The following PRKG1 variants were observed in gnomAD, a reference collection of about 807,000 sequenced individuals.
PRKG1 encodes the protein protein kinase cGMP-dependent 1, also known as cGMP-dependent protein kinase 1.
A neutral mutation model predicts 88.1 loss-of-function variants in PRKG1; 35 were observed. That is an observed-to-expected ratio of 0.40 (90% CI 0.30 to 0.53). The LOEUF is 0.53. Among genes scored for constraint, PRKG1 ranks in the 20% least tolerant of loss-of-function variants. The probability of loss-of-function intolerance (pLI) is 0.59; values close to 1 mark genes in which losing one functional copy is unlikely to be tolerated. For synonymous variants in PRKG1, 303 were observed against 292.5 expected, an observed-to-expected ratio of 1.04 and a Z score of -0.37; for missense variants, 540 against 839.8, an observed-to-expected ratio of 0.64 and a Z score of 4.41.
At chr10:52,180,920 A>G (rs1487825016) in intron 9 of PRKG1, among the ~76,000 whole-genome samples, 7 of 152,108 alleles carry the variant, frequency 4.6e-5, no homozygotes, top group Admixed American at 4.6e-4. Flanking sequence ...GTCCTGGTAC[A>G]TGGCTGCCTG....
intron 2 of PRKG1, among the ~76,000 whole-genome samples, chr10:51,222,284 C>G (rs1838563817): frequency 6.6e-6 from 1 of 152,126 alleles, no homozygotes; most frequent in Non-Finnish European, 1.5e-5. Context: ...AAAGTTACTT[C>G]AAAATAAGGG....
At chr10:52,281,031 A>G in intron 13 of PRKG1, 101 bp downstream of exon 13, 1 of 1,364,172 alleles carries the variant, frequency 7.3e-7, no homozygotes, top group Non-Finnish European at 1.0e-6. Context: ...TTCCTTTTCA[A>G]TGTTGTAACT....
intron 5 of PRKG1, among the ~76,000 whole-genome samples, chr10:51,973,068 G>T (rs1843747988): frequency 6.6e-6 from 1 of 152,144 alleles, no homozygotes; most frequent in African/African-American, 2.4e-5. Context: ...GGAGCAACAG[G>T]ATCAGCCCAA....
intron 3 of PRKG1, among the ~76,000 whole-genome samples, chr10:51,582,912 C>T (rs953830865): frequency 1.3e-5 from 2 of 152,058 alleles, no homozygotes; most frequent in Non-Finnish European, 2.9e-5. Context: ...ATATTGTCAG[C>T]CACCAAATTA....
chr10:50,991,177 T>G lies in PRKG1; in HGVS notation c.-202T>G. 2 of 657,862 alleles carry G rather than the reference T, an allele frequency of 3.0e-6. No homozygotes were observed. Among genetic ancestry groups the G allele is most frequent in the Non-Finnish European group, 4.8e-6 (2 of 415,502 alleles). The allele number at this position is 657,862 out of a possible 1,614,324, so 40.8% of individuals were successfully genotyped here. On this transcript the variant is annotated 5_prime_UTR_variant, in exon 1 of 18. Transcript: ENST00000401604. This position sits in a 1 kb window ranked among gnomAD's most constrained non-coding sequence, Gnocchi z 4.5. ...GACTTCTCATCCTCCCCTCGGTGCT[T>G]TTAGTCCATTCAGCAGAAGCGGATC...
chr10:51,111,275 TA>T (rs1844973142), intron 1 of PRKG1, among the ~76,000 whole-genome samples: 1 of 152,178 alleles, frequency 6.6e-6, no homozygotes, highest in Admixed American at 6.6e-5. Flanking sequence ...TTTATATTTT[TA>T]AATTTTTTGT....
intron 5 of PRKG1, among the ~76,000 whole-genome samples, chr10:52,023,197 A>G (rs1845233549): frequency 6.6e-6 from 1 of 152,200 alleles, no homozygotes; most frequent in South Asian, 2.1e-4. Context: ...TAGTTTGCTG[A>G]GAATGATGGT....
intron 3 of PRKG1, among the ~76,000 whole-genome samples, chr10:51,598,780 G>A (rs1838523188): frequency 6.6e-6 from 1 of 152,176 alleles, no homozygotes; most frequent in Non-Finnish European, 1.5e-5. Flanking sequence ...TTGACTAAAA[G>A]GAGAGGTAGA....
intron 3 of PRKG1, among the ~76,000 whole-genome samples, chr10:51,530,040 T>A (rs1382083522): frequency 2.0e-5 from 3 of 152,206 alleles, no homozygotes; most frequent in Non-Finnish European, 4.4e-5. Flanking sequence ...CTATTCAGTT[T>A]GCATTATTTT....
At position 52,110,827 on chromosome 10, in the gene PRKG1, G is replaced by A. The variant is rs564191846; in HGVS notation, c.936-23013G>A. ...GTGTTGCTACTTTGTGTGACCAACT[G>A]CGTGCAGAACTGCATGTTCCAGGGC... is the stretch of plus-strand genomic sequence containing the variant. On this transcript the variant is annotated intron_variant, in intron 7 of 17. Coordinates refer to ENST00000373980, the MANE Select transcript of PRKG1 (RefSeq NM_006258.4). 2.0e-5 allele frequency among the ~76,000 whole-genome samples: 3 copies of A among 152,246 alleles called. No individual in the cohort carries two copies. The South Asian group carries it at 6.2e-4, about 32-fold the overall frequency.
chr10:52,248,598 A>G (rs2132395016), intron 9 of PRKG1, among the ~76,000 whole-genome samples: 1 of 152,352 alleles, frequency 6.6e-6, no homozygotes, highest in South Asian at 2.1e-4. Context: ...CAACATTACC[A>G]ATATCTTTGC....
intron 4 of PRKG1, among the ~76,000 whole-genome samples, chr10:51,906,279 A>G (rs954072301): frequency 6.6e-6 from 1 of 152,186 alleles, no homozygotes; most frequent in African/African-American, 2.4e-5. Context: ...GCACCTATCA[A>G]CAAAAAGAGT....
intron 2 of PRKG1, among the ~76,000 whole-genome samples, chr10:51,355,390 G>A (rs1048935176): frequency 2.6e-5 from 4 of 151,892 alleles, no homozygotes; most frequent in African/African-American, 9.7e-5. Context: ...TCACATATAC[G>A]GTGACTTGTT....
chr10:52,211,995 T>C (rs925934271), intron 9 of PRKG1, among the ~76,000 whole-genome samples: 1 of 152,190 alleles, frequency 6.6e-6, no homozygotes, highest in Non-Finnish European at 1.5e-5. Flanking sequence ...TTTTATTAGG[T>C]GTTAAAACAT....
intron 3 of PRKG1, among the ~76,000 whole-genome samples, chr10:51,515,740 T>C (rs112900630): frequency 0.01 from 1,555 of 152,308 alleles, 12 homozygotes; most frequent in Middle Eastern, 0.02. Context: ...TTGACTCCTT[T>C]GTGAAACTCG....
At chr10:51,606,794 C>T (rs527727402) in intron 3 of PRKG1, among the ~76,000 whole-genome samples, 75 of 152,042 alleles carry the variant, frequency 4.9e-4, no homozygotes, top group Admixed American at 1.0e-3. Context: ...CCTAGGGAAA[C>T]AATTGTTCCT....
At chr10:52,290,169 T>C in intron 16 of PRKG1, 55 bp from the exon 17 acceptor site, 1 of 1,507,948 alleles carries the variant, frequency 6.6e-7, no homozygotes, top group African/African-American at 1.4e-5. Context: ...TACACTGCAA[T>C]GAGAAGCTTT....
chr10:51,851,556 T>C (rs1840556242), intron 4 of PRKG1, among the ~76,000 whole-genome samples: 1 of 152,218 alleles, frequency 6.6e-6, no homozygotes, highest in Non-Finnish European at 1.5e-5. Flanking sequence ...CTTCTCTGTG[T>C]ATATACTTTT....
chr10:51,158,039 G>C (rs1268134226), intron 2 of PRKG1, among the ~76,000 whole-genome samples: 1 of 151,736 alleles, frequency 6.6e-6, no homozygotes, highest in Non-Finnish European at 1.5e-5. Flanking sequence ...CCTCCTTGTA[G>C]CTCTTTGGAA....
Sources: gnomAD v4.1 joint callset for allele counts (sites outside exome capture counted in the v4.1 genomes callset) on GRCh38, gnomAD v4.1.1 for gene constraint, Gnocchi (gnomAD v3.1) non-coding constraint, MANE v1.5 for transcripts, NCBI Gene and HGNC (gene_info 2026-07-23, HGNC 2026-07-21) for gene names.